FAT4: variants seen among roughly 807,000 people sequenced by gnomAD.
The protein encoded by FAT4 is FAT atypical cadherin 4, also known as protocadherin Fat 4.
FAT4 carries 84 observed loss-of-function variants against 303.9 expected under a neutral mutation model. The ratio of observed to expected loss-of-function variants is 0.28; its 90% CI spans 0.23 to 0.33. The LOEUF (loss-of-function observed/expected upper bound fraction) is 0.33, where lower values mean the gene tolerates loss of function less well. FAT4 is among the 10% of genes least tolerant of loss of function. FAT4 has a pLI of 1.00. For synonymous variants in FAT4, 2,307 were observed against 2,298.8 expected (o/e 1.00, Z -0.10); for missense variants, 6,005 against 6,146.8 (o/e 0.98, Z 0.77).
intron 12 of FAT4, among the ~76,000 whole-genome samples, chr4:125,474,494 A>G (rs1726963395): frequency 6.6e-6 from 1 of 152,072 alleles, no homozygotes; most frequent in African/African-American, 2.4e-5. Context: ...AATTGGAAGT[A>G]TAAATTTTTC....
In FAT4 at chr4:125,448,554, T is replaced by G. The variant is rs1402976675; in HGVS notation, c.7544T>G (p.Phe2515Cys). ...YSLSGRNSEK[F>C]HIDPLRGAIM... ...CTTTCGGGTAGAAATTCTGAAAAAT[T>G]TCACATTGACCCACTGAGGGGAGCC... Residue 2515 changes from phenylalanine (F) to cysteine (C), a missense_variant, in exon 10 of 18, where the codon TTT becomes TGT. Phe to Cys is a radical substitution (Grantham distance 205). Coordinates refer to ENST00000394329, the MANE Select transcript of FAT4 (RefSeq NM_001291303.3). The G allele has an allele frequency of 1.2e-6, 2 of 1,613,740 alleles. No individual in the cohort carries two copies. Among genetic ancestry groups the G allele is most frequent in the Non-Finnish European group, 1.7e-6 (2 of 1,179,882 alleles).
At chr4:125,455,259 A>G (rs1000969632) in intron 10 of FAT4, among the ~76,000 whole-genome samples, 7 of 152,240 alleles carry the variant, frequency 4.6e-5, no homozygotes, top group Non-Finnish European at 1.0e-4. Flanking sequence ...CATGGAAAGT[A>G]CTACTGGTGT....
Position 125,476,149 on chromosome 4 carries a change from GTTTC to G in FAT4, c.12214-16_12214-13del. On this transcript the variant is annotated intron_variant, in intron 12 of 17. Coordinates refer to ENST00000394329, the MANE Select transcript of FAT4 (RefSeq NM_001291303.3). ...GGGACGGTAGAACTCAAAGTTGAATGTTTCTTTCTCTTGCTTCGTAGGCAGCCTC... is the reference window on the plus strand; with the variant it reads ...GGGACGGTAGAACTCAAAGTTGAATGTTTCTCTTGCTTCGTAGGCAGCCTC... 6.6e-7 allele frequency: 1 copy of G among 1,515,232 alleles called. No individual in the cohort carries two copies. The highest frequency in any genetic ancestry group is 9.1e-7 in the Non-Finnish European group (1 of 1,098,670). The allele number at this position is 1,515,232 out of a possible 1,614,324, so 93.9% of individuals were successfully genotyped here.
intron 2 of FAT4, among the ~76,000 whole-genome samples, chr4:125,372,886 T>C (rs1393745984): frequency 6.6e-6 from 1 of 152,214 alleles, no homozygotes; most frequent in Non-Finnish European, 1.5e-5. Flanking sequence ...GGAAAACCCA[T>C]GTTTTTAATT....
chr4:125,400,068 T>A (rs1734325344), intron 3 of FAT4, among the ~76,000 whole-genome samples: 1 of 151,978 alleles, frequency 6.6e-6, no homozygotes, highest in Admixed American at 6.6e-5. Context: ...AACAAAAAAC[T>A]CATGTAATTG....
chr4:125,453,372 C>T (rs542605124), intron 10 of FAT4, among the ~76,000 whole-genome samples: 67 of 152,150 alleles, frequency 4.4e-4, no homozygotes, highest in African/African-American at 1.6e-3. Flanking sequence ...TGATCCACAT[C>T]GTGAGAAGAG....
intron 7 of FAT4, among the ~76,000 whole-genome samples, chr4:125,420,106 T>C (rs1735232219): frequency 2.0e-5 from 3 of 152,238 alleles, no homozygotes; most frequent in South Asian, 2.1e-4. Flanking sequence ...AGAGGACTTG[T>C]CTGACCAGTA....
chr4:125,378,997 A>G (rs2125997069), intron 2 of FAT4, among the ~76,000 whole-genome samples: 1 of 151,910 alleles, frequency 6.6e-6, no homozygotes, highest in East Asian at 2.0e-4. Flanking sequence ...AAAAAGGTGC[A>G]TCACGTGAAC....
At chr4:125,461,512 A>G (rs1177858715) in intron 10 of FAT4, among the ~76,000 whole-genome samples, 1 of 151,998 alleles carries the variant, frequency 6.6e-6, no homozygotes, top group Non-Finnish European at 1.5e-5. Flanking sequence ...CAATTTTGTA[A>G]CCCACTAACA....
intron 5 of FAT4, among the ~76,000 whole-genome samples, chr4:125,411,475 G>A (rs894421447): frequency 4.0e-5 from 6 of 151,800 alleles, no homozygotes; most frequent in South Asian, 2.1e-4. Flanking sequence ...CTGAATAAAT[G>A]TAGCTATATA....
intron 2 of FAT4, among the ~76,000 whole-genome samples, chr4:125,361,606 C>A (rs1396685): frequency 0.31 from 46,444 of 151,920 alleles, 8,037 homozygotes; most frequent in Non-Finnish European, 0.39. Context: ...GGATAGGCAA[C>A]CAAACAATTA....
chr4:125,452,268 A>G lies in FAT4; in HGVS notation c.11258A>G (p.Tyr3753Cys), dbSNP rs758921070. 1.2e-6 allele frequency: 2 copies of G among 1,614,130 alleles called. No individual in the cohort carries two copies. Among genetic ancestry groups the G allele is most frequent in the Non-Finnish European group, 1.7e-6 (2 of 1,180,052 alleles). Reference sequence around the variant, plus strand: ...GGCTTAGGGACTGCTGTGCAACTGTACAGTGCATATGAAGAGAACAATAGA... The same window carrying G: ...GGCTTAGGGACTGCTGTGCAACTGTGCAGTGCATATGAAGAGAACAATAGA... ...LTGLGTAVQL[Y>C]SAYEENNRTF... The change falls in exon 10 of 18, where the codon TAC becomes TGC. Residue 3753 changes from tyrosine to cysteine, a missense_variant. Transcript: ENST00000394329.
In FAT4 at chr4:125,448,662, C is replaced by T; in HGVS notation, c.7652C>T (p.Thr2551Ile). Residue 2551 changes from threonine (T) to isoleucine (I), a missense_variant, in exon 10 of 18, where the codon ACA becomes ATA. Coordinates refer to ENST00000394329, the MANE Select transcript of FAT4 (RefSeq NM_001291303.3). ...AAAGATGGTGGCTCATTTCCAAAGA[C>T]AGATTCTACAACAGTGACTGTTAGA... ...HVKDGGSFPK[T>I]DSTTVTVRFV... The T allele has an allele frequency of 1.2e-6, 2 of 1,613,902 alleles. No individual in the cohort carries two copies. Among genetic ancestry groups the T allele is most frequent in the East Asian group, 2.2e-5 (1 of 44,866 alleles).
At chr4:125,414,496 A>G (rs1734962630) in intron 5 of FAT4, among the ~76,000 whole-genome samples, 1 of 152,160 alleles carries the variant, frequency 6.6e-6, no homozygotes, top group Non-Finnish European at 1.5e-5. Flanking sequence ...TTCATGACTA[A>G]TGCCATACAT....
chr4:125,330,806 C>CA (rs1257920144), intron 2 of FAT4, among the ~76,000 whole-genome samples: 1 of 152,118 alleles, frequency 6.6e-6, no homozygotes, highest in Non-Finnish European at 1.5e-5. Context: ...TTCATTTGCC[C>CA]AAAAACTTCC....
At position 125,490,380 on chromosome 4, in the gene FAT4, G is replaced by C. The variant is rs200205392; in HGVS notation, c.13564G>C (p.Val4522Leu). The C allele has an allele frequency of 1.7e-5, 27 of 1,614,134 alleles. No homozygotes were observed. In the Middle Eastern group the frequency reaches 9.9e-4, roughly 59 times the overall value. The part of the protein sequence containing the change: ...GSCATVLALL[V>L]LSLILCNQCR... ...CTGCGCAACCGTCTTGGCCCTCCTG[G>C]TCCTTAGCCTGATCCTGTGTAACCA... is the stretch of plus-strand genomic sequence containing the variant. The change falls in exon 18 of 18, where the codon GTC becomes CTC. Residue 4522 changes from valine (V) to leucine (L), a missense_variant. Physicochemically the swap from Val to Leu is conservative, Grantham distance 32. Coordinates refer to ENST00000394329, the MANE Select transcript of FAT4 (RefSeq NM_001291303.3).
intron 9 of FAT4, 24 bp from the exon 10 acceptor site, chr4:125,448,437 A>G (rs751613449): frequency 1.3e-6 from 2 of 1,569,638 alleles, no homozygotes; most frequent in Non-Finnish European, 1.7e-6. Context: ...ACGTGAGTAT[A>G]ACTGCACACT....
intron 2 of FAT4, among the ~76,000 whole-genome samples, chr4:125,379,410 TA>T (rs1273162316): frequency 6.6e-6 from 1 of 152,108 alleles, no homozygotes; most frequent in African/African-American, 2.4e-5. Flanking sequence ...GGAGAGTTTA[TA>T]AAAAAGTTAT....
chr4:125,434,746 A>G (rs1725397414), intron 8 of FAT4, among the ~76,000 whole-genome samples: 1 of 152,214 alleles, frequency 6.6e-6, no homozygotes, highest in African/African-American at 2.4e-5. Context: ...TGGTGACTGA[A>G]TGATCTGGAG....
Sources: gnomAD v4.1 joint callset for allele counts (sites outside exome capture counted in the v4.1 genomes callset) on GRCh38, gnomAD v4.1.1 for gene constraint, MANE v1.5 for transcripts, NCBI Gene and HGNC (gene_info 2026-07-23, HGNC 2026-07-21) for gene names.